Variants in ARHGAP42 observed in about 807,000 individuals in gnomAD.
The protein encoded by ARHGAP42 is Rho GTPase activating protein 42.
Under a neutral mutation model 125.0 loss-of-function variants are expected in ARHGAP42, and 63 were observed. The observed-to-expected ratio is 0.50, with a 90% confidence interval of 0.41 to 0.62. ARHGAP42 has a LOEUF of 0.62. Among genes scored for constraint, ARHGAP42 ranks in the 20% least tolerant of loss-of-function variants. The pLI is 0.00. For missense variants in ARHGAP42, 766 were observed against 1,024.2 expected (o/e 0.75, Z 3.44); for synonymous variants, 339 against 351.0 (o/e 0.97, Z 0.38).
chr11:100,755,733 A>G (rs550966799), intron 1 of ARHGAP42, among the ~76,000 whole-genome samples: 6 of 152,290 alleles, frequency 3.9e-5, no homozygotes, highest in Admixed American at 3.3e-4. Flanking sequence ...CAGGCCCTAG[A>G]TGTGCATGAA....
chr11:100,915,689 G>A (rs554981495), intron 5 of ARHGAP42, among the ~76,000 whole-genome samples: 111 of 152,168 alleles, frequency 7.3e-4, no homozygotes, highest in Non-Finnish European at 1.1e-3. Context: ...AGTGGAGGCT[G>A]GAGAAGATAA....
At chr11:100,974,312 T>C in intron 18 of ARHGAP42, 147 bp from the exon 19 acceptor site, 2 of 678,572 alleles carry the variant, frequency 2.9e-6, no homozygotes, top group Non-Finnish European at 4.5e-6. Flanking sequence ...CGTGAAAGAA[T>C]ACTCCAGATA....
chr11:100,740,509 A>G (rs992607528), intron 1 of ARHGAP42, among the ~76,000 whole-genome samples: 3 of 152,234 alleles, frequency 2.0e-5, no homozygotes, highest in African/African-American at 7.2e-5. Flanking sequence ...TCTGATACTA[A>G]AGTGCTATTC....
intron 3 of ARHGAP42, among the ~76,000 whole-genome samples, chr11:100,811,130 A>G (rs1419992468): frequency 6.6e-6 from 1 of 151,998 alleles, no homozygotes; most frequent in Non-Finnish European, 1.5e-5. Flanking sequence ...TAATTTTTGT[A>G]TTTTAAGTAG....
At chr11:100,838,710 A>G (rs1427564145) in intron 3 of ARHGAP42, among the ~76,000 whole-genome samples, 1 of 141,104 alleles carries the variant, frequency 7.1e-6, no homozygotes, top group Non-Finnish European at 1.6e-5. Context: ...AAACAAAATA[A>G]AACAAAAACA....
At chr11:100,869,915 A>G (rs996699133) in intron 4 of ARHGAP42, among the ~76,000 whole-genome samples, 2 of 152,122 alleles carry the variant, frequency 1.3e-5, no homozygotes, top group Admixed American at 1.3e-4. Context: ...TTCCCTCAAA[A>G]TTGTATTTTT....
At chr11:100,869,441 T>C (rs1865649447) in intron 4 of ARHGAP42, among the ~76,000 whole-genome samples, 1 of 151,978 alleles carries the variant, frequency 6.6e-6, no homozygotes, top group Admixed American at 6.6e-5. Flanking sequence ...TAGTGTGTTT[T>C]CTCTATCTTT....
At chr11:100,987,466 C>T in intron 22 of ARHGAP42, 47 bp from the exon 23 acceptor site, 1 of 1,424,228 alleles carries the variant, frequency 7.0e-7, no homozygotes, top group Non-Finnish European at 9.7e-7. Context: ...ATATAGATGT[C>T]CTTAGGTTGA....
At position 100,839,621 on chromosome 11, in the gene ARHGAP42, G is replaced by T. The variant is rs1165793670; in HGVS notation, c.313-19933G>T. The T allele has an allele frequency of 2.0e-5, 3 of 152,154 alleles. No homozygotes were observed. In the East Asian group the frequency reaches 5.8e-4, roughly 29 times the overall value. The allele number at this position is 152,154 out of a possible 1,614,324, so 9.4% of individuals were successfully genotyped here. On this transcript the variant is annotated intron_variant, in intron 3 of 23. Transcript: ENST00000298815. ...TGTTAAGTTTTATGTCAAATAATTG[G>T]TGGTTGTTAGATGTGAGGATGATCT...
chr11:100,752,937 A>T (rs1862493199), intron 1 of ARHGAP42, among the ~76,000 whole-genome samples: 1 of 152,152 alleles, frequency 6.6e-6, no homozygotes, highest in South Asian at 2.1e-4. Flanking sequence ...TGCTCGCAAG[A>T]GAATGCCAGC....
At chr11:100,859,525 A>G (rs1210177984) in intron 3 of ARHGAP42, 29 bp from the exon 4 acceptor site, 3 of 1,516,370 alleles carry the variant, frequency 2.0e-6, no homozygotes, top group Non-Finnish European at 2.7e-6. Context: ...ATTATGCAAG[A>G]TTTAATATAT....
chr11:100,692,774 C>T (rs557683166), intron 1 of ARHGAP42, among the ~76,000 whole-genome samples: 6 of 152,214 alleles, frequency 3.9e-5, no homozygotes, highest in Admixed American at 1.3e-4. Context: ...GTTTGAGATA[C>T]GCTGCTATGA....
At chr11:100,721,846 A>G (rs191598406) in intron 1 of ARHGAP42, among the ~76,000 whole-genome samples, 1 of 152,286 alleles carries the variant, frequency 6.6e-6, no homozygotes, top group South Asian at 2.1e-4. Flanking sequence ...CCATTCACTT[A>G]TTGAAGGTCA....
intron 3 of ARHGAP42, among the ~76,000 whole-genome samples, chr11:100,834,356 T>G (rs1864731986): frequency 6.6e-6 from 1 of 152,184 alleles, no homozygotes; most frequent in African/African-American, 2.4e-5. Flanking sequence ...TTCCTTTATA[T>G]GGATCAAAAC....
chr11:100,799,132 C>G (rs1318040255), intron 3 of ARHGAP42, among the ~76,000 whole-genome samples: 1 of 152,120 alleles, frequency 6.6e-6, no homozygotes, highest in African/African-American at 2.4e-5. Flanking sequence ...GGGAGAATTC[C>G]CAGAAGTTTT....
At chr11:100,854,291 T>C (rs191728411) in intron 3 of ARHGAP42, among the ~76,000 whole-genome samples, 8 of 152,260 alleles carry the variant, frequency 5.3e-5, no homozygotes, top group African/African-American at 1.7e-4. Flanking sequence ...TTATTGCTGG[T>C]AAAAATGGAG....
intron 4 of ARHGAP42, among the ~76,000 whole-genome samples, chr11:100,899,857 A>T (rs1190259812): frequency 6.6e-6 from 1 of 150,546 alleles, no homozygotes; most frequent in African/African-American, 2.4e-5. Flanking sequence ...TTGACTCTTT[A>T]TCCAATTTGC....
chr11:100,982,289 T>C (rs897720818), intron 22 of ARHGAP42, among the ~76,000 whole-genome samples: 1 of 152,206 alleles, frequency 6.6e-6, no homozygotes, highest in Non-Finnish European at 1.5e-5. Flanking sequence ...GCAAGTTCAC[T>C]GGAATGGGAG....
chr11:100,875,107 C>G (rs2584342), intron 4 of ARHGAP42, among the ~76,000 whole-genome samples: 3,890 of 81,804 alleles, frequency 0.048, 108 homozygotes, highest in African/African-American at 0.059. Flanking sequence ...CTCTCTCTCT[C>G]TGTGTGTGTG....
Sources: gnomAD v4.1 joint callset for allele counts (sites outside exome capture counted in the v4.1 genomes callset) on GRCh38, gnomAD v4.1.1 for gene constraint, MANE v1.5 for transcripts, NCBI Gene and HGNC (gene_info 2026-07-23, HGNC 2026-07-21) for gene names.